The following EEF1AKMT2 variants were observed in gnomAD, a reference collection of about 807,000 sequenced individuals.
EEF1AKMT2 encodes EEF1A lysine methyltransferase 2, also known as eukaryotic translation elongation factor 1 alpha lysine methyltransferase 2.
In EEF1AKMT2, 32 loss-of-function variants were observed where a neutral mutation model predicts 35.8. That is an observed-to-expected ratio of 0.89 (90% CI 0.67 to 1.20). EEF1AKMT2 has a LOEUF of 1.20. Ranked by LOEUF, EEF1AKMT2 falls within the 50% of genes most tolerant of loss-of-function variation. EEF1AKMT2 has a pLI of 0.00. For missense variants in EEF1AKMT2, 330 were observed against 347.5 expected (o/e 0.95, Z 0.40); for synonymous variants, 121 against 133.7 (o/e 0.91, Z 0.65).
At chr10:124,774,541 G>T in intron 4 of EEF1AKMT2, 134 bp downstream of exon 4, 1 of 447,950 alleles carries the variant, frequency 2.2e-6, no homozygotes, top group Non-Finnish European at 3.5e-6. Flanking sequence ...TTTTAATATG[G>T]CTATTTAAAA....
At chr10:124,786,888 G>C (rs1950589233) in intron 3 of EEF1AKMT2, among the ~76,000 whole-genome samples, 1 of 151,752 alleles carries the variant, frequency 6.6e-6, no homozygotes, top group African/African-American at 2.4e-5. Context: ...GCCTCTACCA[G>C]TAAACTATTA....
chr10:124,769,503 A>T (rs913956704), intron 4 of EEF1AKMT2, among the ~76,000 whole-genome samples: 5 of 152,076 alleles, frequency 3.3e-5, no homozygotes, highest in Admixed American at 6.6e-5. Flanking sequence ...CCTCAGAGAT[A>T]TTGCAAGTTC....
At position 124,791,828 on chromosome 10, in the gene EEF1AKMT2, G is replaced by C. The variant is rs752132954; in HGVS notation, c.6C>G (p.Ser2Arg). 2.5e-6 allele frequency: 4 copies of C among 1,575,512 alleles called. No homozygotes were observed. The highest frequency in any genetic ancestry group is 2.6e-6 in the Non-Finnish European group (3 of 1,167,064). The part of the protein sequence containing the change: M[S>R]SGADGGGGAA... ...CGCCACCGCCGCCGTCAGCGCCCGAGCTCATTTCGCTCCACGTCCTGGACG... is the reference window on the plus strand; with the variant it reads ...CGCCACCGCCGCCGTCAGCGCCCGACCTCATTTCGCTCCACGTCCTGGACG... Residue 2 changes from serine to arginine, a missense_variant, in exon 1 of 7, where the codon AGC becomes AGG. Physicochemically the swap from Ser to Arg is moderately radical, Grantham distance 110 (BLOSUM62 -1). Transcript: ENST00000368836.
Position 124,762,566 on chromosome 10 carries a change from A to T in EEF1AKMT2, c.617-8T>A. 2.5e-6 allele frequency: 3 copies of T among 1,190,930 alleles called. No individual in the cohort carries two copies. The highest frequency in any genetic ancestry group is 3.2e-6 in the Non-Finnish European group (3 of 924,390). The allele number at this position is 1,190,930 out of a possible 1,614,324, so 73.8% of individuals were successfully genotyped here. On this transcript the variant is annotated splice_polypyrimidine_tract_variant and splice_region_variant and intron_variant, in intron 5 of 6. Coordinates refer to ENST00000368836, the MANE Select transcript of EEF1AKMT2 (RefSeq NM_212554.4). ...CTGCCACTGTACTCCAACCTGGGCA[A>T]CAGAGAGAGAGACAGACCGTTTCAA...
chr10:124,770,672 T>C (rs897795142), intron 4 of EEF1AKMT2, among the ~76,000 whole-genome samples: 3 of 152,232 alleles, frequency 2.0e-5, no homozygotes, highest in Non-Finnish European at 4.4e-5. Context: ...TTTGATAGCA[T>C]TTTACACACA....
In EEF1AKMT2 at chr10:124,759,167, TACC is replaced by T. The variant is rs1336635957; in HGVS notation, c.*1333_*1335del. The stretch of plus-strand genomic sequence containing the variant: ...GTATTTAGCTCCAATATTAAAATAT[TACC>T]ACAAATACAAAATGGTATTAAGTAT... On this transcript the variant is annotated 3_prime_UTR_variant, in exon 7 of 7. Coordinates refer to ENST00000368836, the MANE Select transcript of EEF1AKMT2 (RefSeq NM_212554.4). 1 of 152,206 alleles carries T rather than the reference TACC, an allele frequency of 6.6e-6. No individual in the cohort carries two copies. Among genetic ancestry groups the T allele is most frequent in the Non-Finnish European group, 1.5e-5 (1 of 68,032 alleles). The allele number at this position is 152,206 out of a possible 1,614,324, so 9.4% of individuals were successfully genotyped here.
rs776799063 is a variant in EEF1AKMT2 at position 124,791,742 on chromosome 10, G to A, written c.92C>T (p.Ala31Val). 2.5e-6 allele frequency: 4 copies of A among 1,590,202 alleles called. No individual in the cohort carries two copies. In the South Asian group the frequency reaches 4.5e-5, roughly 18 times the overall value. The change falls in exon 1 of 7, where the codon GCG (alanine) becomes GTG (valine). Residue 31 changes from alanine to valine, a missense_variant. Ala to Val is a moderately conservative substitution (Grantham distance 64). Transcript: ENST00000368836. ...CACTCACTGCTCGCGGGTCCCCAGCGCCGACGGGACGAAACCGTCCTCCCC... is the reference window on the plus strand; with the variant it reads ...CACTCACTGCTCGCGGGTCCCCAGCACCGACGGGACGAAACCGTCCTCCCC... The part of the protein sequence containing the change: ...SPGEDGFVPS[A>V]LGTREHWDAV...
At chr10:124,761,491 C>T (rs932599646) in intron 6 of EEF1AKMT2, among the ~76,000 whole-genome samples, 6 of 151,810 alleles carry the variant, frequency 4.0e-5, no homozygotes, top group African/African-American at 1.2e-4. Context: ...TAATAAAGGG[C>T]CTGGAAGACA....
intron 3 of EEF1AKMT2, among the ~76,000 whole-genome samples, chr10:124,787,047 A>G (rs981267124): frequency 5.3e-5 from 8 of 149,968 alleles, no homozygotes; most frequent in African/African-American, 1.2e-4. Context: ...CCGGGTTCAC[A>G]CCATTCTCCT....
chr10:124,763,675 T>G (rs1950351815), intron 5 of EEF1AKMT2, among the ~76,000 whole-genome samples: 1 of 152,242 alleles, frequency 6.6e-6, no homozygotes, highest in Non-Finnish European at 1.5e-5. Context: ...TTTTAAGTAC[T>G]CTAACCAGGC....
downstream of EEF1AKMT2, among the ~76,000 whole-genome samples, chr10:124,757,270 C>T (rs897475759): frequency 2.6e-5 from 4 of 151,454 alleles, no homozygotes; most frequent in African/African-American, 9.7e-5. Flanking sequence ...AAGCAGAGGG[C>T]TGTCCAGGAG....
chr10:124,778,140 C>T (rs1163593020), intron 3 of EEF1AKMT2, among the ~76,000 whole-genome samples: 3 of 151,342 alleles, frequency 2.0e-5, no homozygotes, highest in African/African-American at 7.3e-5. Context: ...ATAGTGAGCT[C>T]CGGAGTTGGA....
chr10:124,774,365 A>G (rs986580618), intron 4 of EEF1AKMT2, among the ~76,000 whole-genome samples: 7 of 118,720 alleles, frequency 5.9e-5, no homozygotes, highest in African/African-American at 2.3e-4. Flanking sequence ...ACTGAGCGAG[A>G]CTCAGTCTCA....
chr10:124,782,565 G>C (rs1329499391), intron 3 of EEF1AKMT2, among the ~76,000 whole-genome samples: 29 of 116,932 alleles, frequency 2.5e-4, no homozygotes, highest in African/African-American at 8.5e-4. Context: ...CTGGGCGACA[G>C]AGCGAGACTC....
At chr10:124,770,081 G>A (rs999428397) in intron 4 of EEF1AKMT2, among the ~76,000 whole-genome samples, 19 of 151,664 alleles carry the variant, frequency 1.3e-4, no homozygotes, top group East Asian at 1.2e-3. Flanking sequence ...TCAAGAGTTT[G>A]ATACCACCCT....
At chr10:124,786,686 T>C (rs560839230) in intron 3 of EEF1AKMT2, among the ~76,000 whole-genome samples, 14 of 151,642 alleles carry the variant, frequency 9.2e-5, no homozygotes, top group Admixed American at 6.6e-4. Flanking sequence ...GGTGTACGCC[T>C]GTAATCCTAG....
At chr10:124,783,618 A>G (rs921406295) in intron 3 of EEF1AKMT2, among the ~76,000 whole-genome samples, 2 of 152,102 alleles carry the variant, frequency 1.3e-5, no homozygotes, top group African/African-American at 2.4e-5. Flanking sequence ...AAGTGAAAAC[A>G]TATGTACACA....
chr10:124,787,433 CAAAA>C (rs398015024), intron 3 of EEF1AKMT2, among the ~76,000 whole-genome samples: 3 of 37,432 alleles, frequency 8.0e-5, no homozygotes, highest in African/African-American at 1.4e-4. Context: ...GACTCTGTCT[CAAAA>C]AAAAAAAAAA....
At chr10:124,776,378 A>G (rs1447337477) in intron 3 of EEF1AKMT2, among the ~76,000 whole-genome samples, 2 of 152,184 alleles carry the variant, frequency 1.3e-5, no homozygotes, top group African/African-American at 4.8e-5. Flanking sequence ...GACTTTAGAA[A>G]CAGACCCGAC....
Sources: allele counts gnomAD v4.1 joint callset (sites outside exome capture counted in the v4.1 genomes callset), GRCh38; gene constraint gnomAD v4.1.1; transcripts MANE v1.5; gene names NCBI Gene and HGNC (gene_info 2026-07-23, HGNC 2026-07-21).